The following PDE9A variants were observed in gnomAD, a reference collection of about 807,000 sequenced individuals.
PDE9A encodes phosphodiesterase 9A, also known as high affinity cGMP-specific 3',5'-cyclic phosphodiesterase 9A.
A neutral mutation model predicts 87.4 loss-of-function variants in PDE9A; 60 were observed. That is an observed-to-expected ratio of 0.69 (90% confidence interval 0.56 to 0.85). The LOEUF (loss-of-function observed/expected upper bound fraction) is 0.85. PDE9A is among the 40% of genes least tolerant of loss of function. The pLI is 0.00. For missense variants in PDE9A, 665 were observed against 779.0 expected, an observed-to-expected ratio of 0.85 and a Z score of 1.74; for synonymous variants, 272 against 279.4, an observed-to-expected ratio of 0.97 and a Z score of 0.27.
At chr21:42,703,131 T>TAG (rs1336581369) in intron 4 of PDE9A, among the ~76,000 whole-genome samples, 2 of 152,194 alleles carry the variant, frequency 1.3e-5, no homozygotes, top group Non-Finnish European at 2.9e-5. Context: ...AAGCGGGATA[T>TAG]AGAGACCCAT....
At chr21:42,681,341 T>G (rs528704868) in intron 1 of PDE9A, among the ~76,000 whole-genome samples, 1 of 152,342 alleles carries the variant, frequency 6.6e-6, no homozygotes, top group South Asian at 2.1e-4. Flanking sequence ...CATTAAATAA[T>G]CTGGGAGTCA....
At chr21:42,731,357 G>T (rs963327253) in intron 4 of PDE9A, among the ~76,000 whole-genome samples, 1 of 152,168 alleles carries the variant, frequency 6.6e-6, no homozygotes, top group African/African-American at 2.4e-5. Flanking sequence ...GTGGGCTCTC[G>T]GTGTTCTGGG....
chr21:42,673,586 A>G (rs2058678964), intron 1 of PDE9A, among the ~76,000 whole-genome samples: 1 of 152,230 alleles, frequency 6.6e-6, no homozygotes, highest in Non-Finnish European at 1.5e-5. Flanking sequence ...AATAGTTTCC[A>G]TTATTTCATA....
At chr21:42,751,697 C>T (rs373285818) in intron 9 of PDE9A, among the ~76,000 whole-genome samples, 13 of 151,242 alleles carry the variant, frequency 8.6e-5, no homozygotes, top group African/African-American at 2.7e-4. Flanking sequence ...GCCGGTCACC[C>T]GCTCAACGCC....
chr21:42,773,533 C>T (rs1219499395), intron 19 of PDE9A, among the ~76,000 whole-genome samples: 1 of 151,952 alleles, frequency 6.6e-6, no homozygotes, highest in Non-Finnish European at 1.5e-5. Flanking sequence ...AATGGCCAGG[C>T]ACGGTGGCTC....
At chr21:42,661,976 G>A (rs2057535285) in intron 1 of PDE9A, among the ~76,000 whole-genome samples, 2 of 152,158 alleles carry the variant, frequency 1.3e-5, no homozygotes, top group South Asian at 2.1e-4. Flanking sequence ...TCATTTGTCT[G>A]CGCTTGAGCC....
chr21:42,746,110 C>T lies in PDE9A; in HGVS notation c.653+2250C>T, dbSNP rs535770954. Among the ~76,000 whole-genome samples the T allele has an allele frequency of 9.8e-5, 15 of 152,370 alleles. No individual in the cohort carries two copies. In the South Asian group the frequency reaches 3.1e-3, roughly 32 times the overall value. On this transcript the variant is annotated intron_variant, in intron 8 of 19. Coordinates refer to ENST00000291539, the MANE Select transcript of PDE9A (RefSeq NM_002606.3). ...GAGTGAGTGGTGAGACAGCCTCCGGCCTCACAGGTCTTGCCTCTGCCGTGC... is the reference window on the plus strand; with the variant it reads ...GAGTGAGTGGTGAGACAGCCTCCGGTCTCACAGGTCTTGCCTCTGCCGTGC...
Position 42,770,474 on chromosome 21 carries a change from G to A in PDE9A, c.1591-229G>A, listed in dbSNP as rs554573354. On this transcript the variant is annotated intron_variant, in intron 17 of 19. Coordinates refer to ENST00000291539, the MANE Select transcript of PDE9A (RefSeq NM_002606.3). ...TCCCCCACCCTCATCTCACGGGCAC[G>A]GGGGACACAGGAGGCAGGAAGGGGA... 1.6e-4 allele frequency among the ~76,000 whole-genome samples: 24 copies of A among 152,208 alleles called. No homozygotes were observed. In the South Asian group the frequency reaches 2.7e-3, roughly 17 times the overall value.
intron 13 of PDE9A, among the ~76,000 whole-genome samples, 183 bp downstream of exon 13, chr21:42,761,090 C>T (rs993600653): frequency 6.6e-6 from 1 of 152,196 alleles, no homozygotes; most frequent in African/African-American, 2.4e-5. Flanking sequence ...CCTTGGGTCT[C>T]CCCGGAGTAG....
Position 42,670,268 on chromosome 21 carries a change from T to TAC in PDE9A, c.70-15923_70-15922insCA, listed in dbSNP as rs2058383296. On this transcript the variant is annotated intron_variant, in intron 1 of 19. Coordinates refer to ENST00000291539, the MANE Select transcript of PDE9A (RefSeq NM_002606.3). ...ATACACATACATACATTCACACACA[T>TAC]ATTCACACATTCACACATACACATT... 5.9e-5 allele frequency among the ~76,000 whole-genome samples: 4 copies of TAC among 68,268 alleles called. No individual in the cohort carries two copies. In the African/African-American group the frequency reaches 7.4e-4, roughly 13 times the overall value. 44.8% of individuals were successfully genotyped at this position (68,268 alleles called of 152,430 possible). A position where few individuals can be genotyped will look rare whatever the true frequency, so the allele number is the denominator to read the frequency against.
rs1412232542 is a variant in PDE9A, at chr21:42,722,798, A to G, written c.263-8972A>G. ...AATCAAATTAACTTATTGTTACACT[A>G]ATTTTTAGAATCAGAATTATGGGTC... On this transcript the variant is annotated intron_variant, in intron 4 of 19. Coordinates refer to ENST00000291539, the MANE Select transcript of PDE9A (RefSeq NM_002606.3). The surrounding 1 kb of genome is among the most constrained non-coding windows in gnomAD (Gnocchi z 4.1). 6.6e-6 allele frequency among the ~76,000 whole-genome samples: 1 copy of G among 152,238 alleles called. No individual in the cohort carries two copies. Among genetic ancestry groups the G allele is most frequent in the African/African-American group, 2.4e-5 (1 of 41,454 alleles).
chr21:42,698,023 C>T (rs1569164789), intron 3 of PDE9A, among the ~76,000 whole-genome samples: 2 of 152,200 alleles, frequency 1.3e-5, no homozygotes, highest in East Asian at 3.8e-4. Context: ...ATGGGTAGAG[C>T]GAGTGAATGA....
At chr21:42,700,215 C>G (rs1299006499) in intron 4 of PDE9A, among the ~76,000 whole-genome samples, 2 of 152,058 alleles carry the variant, frequency 1.3e-5, no homozygotes, top group African/African-American at 4.8e-5. Context: ...AAGTGGTATC[C>G]CATGGTGTAG....
intron 1 of PDE9A, among the ~76,000 whole-genome samples, chr21:42,661,158 A>T (rs1395185393): frequency 6.6e-6 from 1 of 151,574 alleles, no homozygotes; most frequent in Non-Finnish European, 1.5e-5. Flanking sequence ...CAGCCTCCGG[A>T]GTAGCTGGGA....
chr21:42,732,561 C>T (rs992377302), intron 6 of PDE9A, among the ~76,000 whole-genome samples: 10 of 152,318 alleles, frequency 6.6e-5, no homozygotes, highest in South Asian at 4.1e-4. Context: ...TTCTCTGTGG[C>T]GTCTTACTGC....
At chr21:42,656,099 G>C (rs1190901523) in intron 1 of PDE9A, among the ~76,000 whole-genome samples, 1 of 152,166 alleles carries the variant, frequency 6.6e-6, no homozygotes, top group Non-Finnish European at 1.5e-5. Flanking sequence ...AAAGTACCAG[G>C]CACTGGGTAA....
intron 4 of PDE9A, among the ~76,000 whole-genome samples, chr21:42,718,277 C>T (rs2050149082): frequency 1.3e-5 from 2 of 151,842 alleles, no homozygotes; most frequent in South Asian, 4.2e-4. Flanking sequence ...GTGCTTCAGT[C>T]TCATTTTCTT....
intron 4 of PDE9A, chr21:42,724,591 G>A (rs528674893): frequency 1.9e-5 from 19 of 985,334 alleles, no homozygotes; most frequent in Middle Eastern, 5.2e-4. Flanking sequence ...CTAAAGAGGC[G>A]GTTCCGTGAG....
chr21:42,658,181 T>C (rs1185391350), intron 1 of PDE9A, among the ~76,000 whole-genome samples: 2 of 152,158 alleles, frequency 1.3e-5, no homozygotes, highest in African/African-American at 2.4e-5. Flanking sequence ...CCACCCAGCC[T>C]GGTCCTGGCA....
Sources: allele counts gnomAD v4.1 joint callset (sites outside exome capture counted in the v4.1 genomes callset), GRCh38; gene constraint gnomAD v4.1.1; non-coding constraint Gnocchi (gnomAD v3.1); transcripts MANE v1.5; gene names NCBI Gene and HGNC (gene_info 2026-07-23, HGNC 2026-07-21).